KIF13A: variants seen among roughly 807,000 people sequenced by gnomAD.
KIF13A encodes the protein kinesin family member 13A.
KIF13A carries 79 observed loss-of-function variants against 212.2 expected under a neutral mutation model. That is an observed-to-expected ratio of 0.37 (90% CI 0.31 to 0.45). The LOEUF (loss-of-function observed/expected upper bound fraction) is 0.45, where lower values mean the gene tolerates loss of function less well. Among genes scored for constraint, KIF13A ranks in the 20% least tolerant of loss-of-function variants. The probability of loss-of-function intolerance (pLI) is 1.00; values close to 1 mark genes in which losing one functional copy is unlikely to be tolerated. For synonymous variants in KIF13A, 789 were observed against 808.6 expected, an observed-to-expected ratio of 0.98 and a Z score of 0.41; for missense variants, 1,901 against 2,209.0, an observed-to-expected ratio of 0.86 and a Z score of 2.79.
At chr6:17,817,293 C>T in intron 16 of KIF13A, 60 bp from the exon 17 acceptor site, 1 of 1,440,786 alleles carries the variant, frequency 6.9e-7, no homozygotes, top group Non-Finnish European at 9.7e-7. Context: ...GCATTCATGC[C>T]AGGCACTGCA....
In KIF13A at chr6:17,951,375, C is replaced by A; in HGVS notation, c.146+35679G>T. 1.6e-6 allele frequency: 1 copy of A among 636,560 alleles called. No individual in the cohort carries two copies. The highest frequency in any genetic ancestry group is 1.7e-5 in the South Asian group (1 of 58,688). The allele number at this position is 636,560 out of a possible 1,614,324, so 39.4% of individuals were successfully genotyped here. The stretch of plus-strand genomic sequence containing the variant: ...TGAAATCCTCGGCTCAAGTGATCCT[C>A]TTGCCTTGGCCTCCCAAAGTGCTGG... On this transcript the variant is annotated intron_variant, in intron 2 of 38. Coordinates refer to ENST00000259711, the MANE Select transcript of KIF13A (RefSeq NM_022113.6). The surrounding 1 kb of genome is among the most constrained non-coding windows in gnomAD (Gnocchi z 4.9).
intron 38 of KIF13A, among the ~76,000 whole-genome samples, chr6:17,766,219 G>GATTGATTGATTGATTT (rs1554158989): frequency 1.5e-4 from 22 of 144,716 alleles, no homozygotes; most frequent in African/African-American, 4.6e-4. Flanking sequence ...TTATTTTTAA[G>GATTGATTGATTGATTT]ATTTATTTAT....
At chr6:17,822,360 A>G (rs2150361020) in intron 16 of KIF13A, among the ~76,000 whole-genome samples, 1 of 152,142 alleles carries the variant, frequency 6.6e-6, no homozygotes, top group East Asian at 1.9e-4. Context: ...TGACTTCAAT[A>G]TGGACAAAAT....
intron 4 of KIF13A, among the ~76,000 whole-genome samples, chr6:17,859,636 A>ATTTTTTTTTTTTTTTTTTTTT (rs1204467896): frequency 9.0e-6 from 1 of 111,074 alleles, no homozygotes; most frequent in Non-Finnish European, 1.9e-5. Flanking sequence ...ATATATATAT[A>ATTTTTTTTTTTTTTTTTTTTT]TATTTTTTTT....
intron 3 of KIF13A, among the ~76,000 whole-genome samples, chr6:17,890,316 G>A (rs1214911646): frequency 6.6e-6 from 1 of 151,984 alleles, no homozygotes; most frequent in Non-Finnish European, 1.5e-5. Context: ...TTTTATTCCT[G>A]TGTGTGTTTC....
chr6:17,778,883 A>T, intron 33 of KIF13A, 64 bp downstream of exon 33: 7 of 1,523,696 alleles, frequency 4.6e-6, no homozygotes, highest in Non-Finnish European at 6.2e-6. Context: ...AAGTAAATTC[A>T]TATCTGTCCA....
rs201837483 is a variant in KIF13A, at chr6:17,855,901, G to A, written c.313+129C>T. 1.0e-5 allele frequency: 7 copies of A among 672,630 alleles called. No homozygotes were observed. Among genetic ancestry groups the A allele is most frequent in the African/African-American group, 3.7e-5 (2 of 54,670 alleles). The allele number at this position is 672,630 out of a possible 1,614,324, so 41.7% of individuals were successfully genotyped here. On this transcript the variant is annotated intron_variant, in intron 5 of 38. Coordinates refer to ENST00000259711, the MANE Select transcript of KIF13A (RefSeq NM_022113.6). This position sits in a 1 kb window ranked among gnomAD's most constrained non-coding sequence, Gnocchi z 4.1. ...TAATGTTTTTAGTTTTTATAAAGACGGGTCTTACTATGTTGCCCAGGCTGG... is the reference window on the plus strand; with the variant it reads ...TAATGTTTTTAGTTTTTATAAAGACAGGTCTTACTATGTTGCCCAGGCTGG...
chr6:17,948,407 A>G (rs12198586), intron 2 of KIF13A, among the ~76,000 whole-genome samples: 31,858 of 152,006 alleles, frequency 0.21, 3,705 homozygotes, highest in African/African-American at 0.31. Context: ...ACAGAGTCAA[A>G]TTACTCCCAA....
At chr6:17,795,698 G>C (rs1167085431) in intron 23 of KIF13A, among the ~76,000 whole-genome samples, 2 of 151,942 alleles carry the variant, frequency 1.3e-5, no homozygotes, top group Non-Finnish European at 2.9e-5. Flanking sequence ...GGTCATAAAA[G>C]AGGCAAATGA....
chr6:17,806,810 C>T lies in KIF13A; in HGVS notation c.2164-1195G>A, dbSNP rs181688170. On this transcript the variant is annotated intron_variant, in intron 18 of 38. Transcript: ENST00000259711. ...AAGAGAATCACTTGAACCCGGGAGG[C>T]GGAGGTTGTAGTGAGCCAAGATCAT... 1.8e-3 allele frequency among the ~76,000 whole-genome samples: 268 copies of T among 152,218 alleles called. 3 individuals are homozygous for T. The highest frequency in any genetic ancestry group is 5.2e-3 in the Admixed American group (80 of 15,280).
intron 2 of KIF13A, among the ~76,000 whole-genome samples, chr6:17,921,164 T>C (rs1000117945): frequency 6.6e-6 from 1 of 152,196 alleles, no homozygotes; most frequent in Non-Finnish European, 1.5e-5. Flanking sequence ...TAATCAAACA[T>C]GTTTTTTAAT....
intron 38 of KIF13A, among the ~76,000 whole-genome samples, chr6:17,765,775 T>C (rs1758890827): frequency 6.6e-6 from 1 of 152,230 alleles, no homozygotes; most frequent in South Asian, 2.1e-4. Flanking sequence ...AAAATGTGGG[T>C]ATTTTAAGTC....
rs1447361734 is a variant in KIF13A, at chr6:17,828,217, A to G, written c.1532+23T>C. 1 of 1,607,072 alleles carries G rather than the reference A, an allele frequency of 6.2e-7. No individual in the cohort carries two copies. Among genetic ancestry groups the G allele is most frequent in the South Asian group, 1.1e-5 (1 of 89,720 alleles). On this transcript the variant is annotated intron_variant, in intron 14 of 38. Transcript: ENST00000259711. This position sits in a 1 kb window ranked among gnomAD's most constrained non-coding sequence, Gnocchi z 4.3. ...GAAAATAAGGCACACAAGACACGTGAAGTCACCATTTACTTTTCTTACCTT... is the reference window on the plus strand; with the variant it reads ...GAAAATAAGGCACACAAGACACGTGGAGTCACCATTTACTTTTCTTACCTT...
intron 22 of KIF13A, among the ~76,000 whole-genome samples, chr6:17,798,794 T>A (rs569681264): frequency 6.6e-6 from 1 of 152,248 alleles, no homozygotes; most frequent in Admixed American, 6.5e-5. Context: ...AAACTCTATA[T>A]GAAACATATC....
intron 2 of KIF13A, among the ~76,000 whole-genome samples, chr6:17,985,632 C>CGGGGGGGGG (rs1554128614): frequency 1.3e-4 from 5 of 38,190 alleles, no homozygotes; most frequent in African/African-American, 3.7e-4. Context: ...ATGCAGTTTG[C>CGGGGGGGGG]GGGGGGGTGG....
At chr6:17,791,960 T>C (rs2150320553) in intron 25 of KIF13A, among the ~76,000 whole-genome samples, 1 of 147,090 alleles carries the variant, frequency 6.8e-6, no homozygotes. Context: ...TCCCAGCACT[T>C]TGGGAGGTCG....
rs548003050 is a variant in KIF13A at position 17,919,758 on chromosome 6, G to A, written c.147-21578C>T. On this transcript the variant is annotated intron_variant, in intron 2 of 38. Coordinates refer to ENST00000259711, the MANE Select transcript of KIF13A (RefSeq NM_022113.6). The surrounding 1 kb of genome is among the most constrained non-coding windows in gnomAD (Gnocchi z 4.1). ...TGGCAGCCCAATACTGTGACAAGAG[G>A]TGAAAGCTGAGGGCAACCCAAGCCC... Among the ~76,000 whole-genome samples, 34 of 152,278 alleles carry A rather than the reference G, an allele frequency of 2.2e-4. No individual in the cohort carries two copies. The highest frequency in any genetic ancestry group is 6.5e-4 in the African/African-American group (27 of 41,556).
chr6:17,804,039 C>A (rs1762713836), intron 20 of KIF13A, among the ~76,000 whole-genome samples: 1 of 152,078 alleles, frequency 6.6e-6, no homozygotes, highest in African/African-American at 2.4e-5. Context: ...GTAGTCCCAG[C>A]TACTCGGGAG....
chr6:17,982,422 T>A lies in KIF13A; in HGVS notation c.146+4632A>T, dbSNP rs1226995452. The stretch of plus-strand genomic sequence containing the variant: ...CCCCAGGATTTGGAGCATTTTAGAT[T>A]TCAGATGTTCAGACAGGGATACCGC... On this transcript the variant is annotated intron_variant, in intron 2 of 38. Coordinates refer to ENST00000259711, the MANE Select transcript of KIF13A (RefSeq NM_022113.6). The surrounding 1 kb of genome is among the most constrained non-coding windows in gnomAD (Gnocchi z 5.1). The A allele has an allele frequency of 2.0e-6, 2 of 984,438 alleles. No individual in the cohort carries two copies. Among genetic ancestry groups the A allele is most frequent in the African/African-American group, 3.5e-5 (2 of 57,166 alleles). The allele number at this position is 984,438 out of a possible 1,614,324, so 61.0% of individuals were successfully genotyped here. A position where few individuals can be genotyped will look rare whatever the true frequency, so the allele number is the denominator to read the frequency against.
Sources: allele counts gnomAD v4.1 joint callset (sites outside exome capture counted in the v4.1 genomes callset), GRCh38; gene constraint gnomAD v4.1.1; non-coding constraint Gnocchi (gnomAD v3.1); transcripts MANE v1.5; gene names NCBI Gene and HGNC (gene_info 2026-07-23, HGNC 2026-07-21).